The following MTARC1 variants were observed in gnomAD, a reference collection of about 807,000 sequenced individuals.
MTARC1 encodes mitochondrial amidoxime-reducing component 1.
MTARC1 carries 24 observed loss-of-function variants against 33.6 expected under a neutral mutation model. The ratio of observed to expected loss-of-function variants is 0.72; its 90% CI spans 0.52 to 1.01. The LOEUF is 1.01. Among genes scored for constraint, MTARC1 ranks in the 50% least tolerant of loss-of-function variants. MTARC1 has a pLI of 0.00. For missense variants in MTARC1, 417 were observed against 445.7 expected, an observed-to-expected ratio of 0.94 and a Z score of 0.58; for synonymous variants, 187 against 189.5, an observed-to-expected ratio of 0.99 and a Z score of 0.11.
At chr1:220,809,182 C>T (rs780275040) in intron 6 of MTARC1, among the ~76,000 whole-genome samples, 3 of 152,198 alleles carry the variant, frequency 2.0e-5, no homozygotes, top group Non-Finnish European at 4.4e-5. Context: ...TTAGGCTCTT[C>T]AAGTCACAGT....
rs1672675421 is a variant in MTARC1 at position 220,797,981 on chromosome 1, T to C, written c.720T>C (p.Asn240=). 1 of 1,614,226 alleles carries C rather than the reference T, an allele frequency of 6.2e-7. No individual in the cohort carries two copies. The change falls in exon 4 of 7, where the codon AAT becomes AAC. Residue 240 remains asparagine, a synonymous_variant. Coordinates refer to ENST00000366910, the MANE Select transcript of MTARC1 (RefSeq NM_022746.4). ...TTAAAGCAACCAACTTCAGGCCCAA[T>C]ATTGTAATTTCAGGATGCGATGTCT... ...KKVKATNFRP[N]IVISGCDVYA...
intron 6 of MTARC1, among the ~76,000 whole-genome samples, chr1:220,810,922 A>G (rs1401536054): frequency 1.3e-5 from 2 of 152,196 alleles, no homozygotes; most frequent in African/African-American, 2.4e-5. Flanking sequence ...CTGAGACTTA[A>G]CTGTAAAATG....
intron 3 of MTARC1, 127 bp downstream of exon 3, chr1:220,796,932 G>A: frequency 5.3e-6 from 5 of 949,028 alleles, no homozygotes; most frequent in Non-Finnish European, 7.7e-6. Flanking sequence ...CAGATCACAA[G>A]CAGTAGGCAG....
Position 220,813,526 on chromosome 1 carries a change from A to G in MTARC1, c.*108A>G. 6.9e-7 allele frequency: 1 copy of G among 1,457,262 alleles called. No individual in the cohort carries two copies. The highest frequency in any genetic ancestry group is 1.3e-5 in the South Asian group (1 of 75,172). 90.3% of individuals were successfully genotyped at this position (1,457,262 alleles called of 1,614,324 possible). A position where few individuals can be genotyped will look rare whatever the true frequency, so the allele number is the denominator to read the frequency against. ...ACTGAGACCTCTACATTTTCTTTAAATTTGTGATTTTCACATTTTTCGTCT... is the reference window on the plus strand; with the variant it reads ...ACTGAGACCTCTACATTTTCTTTAAGTTTGTGATTTTCACATTTTTCGTCT... On this transcript the variant is annotated 3_prime_UTR_variant, in exon 7 of 7. Transcript: ENST00000366910.
chr1:220,812,777 C>G (rs567490521), intron 6 of MTARC1, among the ~76,000 whole-genome samples: 1 of 151,244 alleles, frequency 6.6e-6, no homozygotes, highest in African/African-American at 2.4e-5. Context: ...CAGGCTGGAG[C>G]GCAGTGGCAC....
intron 1 of MTARC1, among the ~76,000 whole-genome samples, chr1:220,790,656 A>G (rs905604688): frequency 1.1e-4 from 17 of 152,318 alleles, no homozygotes; most frequent in Admixed American, 9.2e-4. Context: ...AGTACCGGCC[A>G]TATTTTTTTC....
chr1:220,811,356 C>T (rs772112561), intron 6 of MTARC1, among the ~76,000 whole-genome samples: 2 of 152,182 alleles, frequency 1.3e-5, no homozygotes, highest in Non-Finnish European at 2.9e-5. Flanking sequence ...ATTGTTCAAC[C>T]AACATTATTT....
intron 4 of MTARC1, chr1:220,798,426 G>C (rs1366667407): frequency 5.1e-6 from 5 of 985,330 alleles, no homozygotes; most frequent in South Asian, 4.7e-5. Context: ...CTGCAAGGCT[G>C]CTGGGTGAGG....
At position 220,796,640 on chromosome 1, in the gene MTARC1, C is replaced by G; in HGVS notation, c.450-3C>G. On this transcript the variant is annotated splice_polypyrimidine_tract_variant and splice_region_variant and intron_variant, in intron 2 of 6. Transcript: ENST00000366910. ...CTGCCCTTTGCTCCTGCTACCCCTG[C>G]AGAGTGCACGGCCTGGAGATAGAGG... 2 of 1,583,528 alleles carry G rather than the reference C, an allele frequency of 1.3e-6. No homozygotes were observed. The highest frequency in any genetic ancestry group is 1.7e-6 in the Non-Finnish European group (2 of 1,168,016).
Position 220,805,082 on chromosome 1 carries a change from G to A in MTARC1, c.784G>A (p.Val262Met), listed in dbSNP as rs768455140. 13 of 1,614,036 alleles carry A rather than the reference G, an allele frequency of 8.1e-6. No individual in the cohort carries two copies. The highest frequency in any genetic ancestry group is 1.6e-4 in the Middle Eastern group (1 of 6,084). Reference protein sequence around the residue: ...DSWDELLIGDVELKRVMACSR... With the variant: ...DSWDELLIGDMELKRVMACSR... ...TTGGGATGAGCTTCTTATTGGTGAC[G>A]TGGAACTGAAAAGGGTGATGGCTTG... Residue 262 changes from valine to methionine, a missense_variant, in exon 5 of 7, where the codon GTG becomes ATG. Val to Met is a conservative substitution (Grantham distance 21). Transcript: ENST00000366910.
intron 6 of MTARC1, among the ~76,000 whole-genome samples, chr1:220,809,525 A>C (rs2102608561): frequency 8.3e-6 from 1 of 121,052 alleles, no homozygotes; most frequent in East Asian, 2.1e-4. Context: ...TTATTTATTT[A>C]TTGAGACAGA....
At position 220,789,214 on chromosome 1, in the gene MTARC1, C is replaced by T. The variant is rs72470581; in HGVS notation, c.275+1995C>T. 9.3e-3 allele frequency among the ~76,000 whole-genome samples: 1,408 copies of T among 152,186 alleles called. 11 individuals are homozygous for T. The highest frequency in any genetic ancestry group is 0.06 in the East Asian group (311 of 5,168). On this transcript the variant is annotated intron_variant, in intron 1 of 6. Transcript: ENST00000366910. ...ACAGCTTGAGCTGAAAACTGGAAAA[C>T]GATTCAGAACTTGCTGGGCAAGTAA... is the stretch of plus-strand genomic sequence containing the variant.
chr1:220,810,800 G>A (rs999606395), intron 6 of MTARC1, among the ~76,000 whole-genome samples: 4 of 152,146 alleles, frequency 2.6e-5, no homozygotes, highest in African/African-American at 9.7e-5. Context: ...CGACGACCAG[G>A]GTTACATCCT....
chr1:220,806,410 G>C (rs922459756), intron 6 of MTARC1, among the ~76,000 whole-genome samples: 2 of 152,182 alleles, frequency 1.3e-5, no homozygotes, highest in African/African-American at 4.8e-5. Context: ...TGGGAACCTT[G>C]AGGAAGGAAT....
chr1:220,787,358 A>T, intron 1 of MTARC1, 139 bp downstream of exon 1: 1 of 1,334,798 alleles, frequency 7.5e-7, no homozygotes, highest in Non-Finnish European at 9.6e-7. Context: ...GTTGGGTGAG[A>T]CAAGGCCAAA....
chr1:220,807,652 G>A (rs775759587), intron 6 of MTARC1, among the ~76,000 whole-genome samples: 27 of 152,160 alleles, frequency 1.8e-4, no homozygotes, highest in Non-Finnish European at 2.6e-4. Flanking sequence ...TTCAAGCAGC[G>A]GGTAAATGGG....
At chr1:220,791,849 C>T in intron 2 of MTARC1, among the ~76,000 whole-genome samples, 185 bp downstream of exon 2, 1 of 152,130 alleles carries the variant, frequency 6.6e-6, no homozygotes, top group Non-Finnish European at 1.5e-5. Context: ...AAGGAAGCAG[C>T]TTCAGAAACT....
At chr1:220,798,828 A>C in intron 4 of MTARC1, 5 of 983,280 alleles carry the variant, frequency 5.1e-6, no homozygotes, top group Non-Finnish European at 6.0e-6. Context: ...TTCCTCCATA[A>C]CAGGGAAAAA....
At chr1:220,794,460 G>A (rs1672539529) in intron 2 of MTARC1, 1 of 151,696 alleles carries the variant, frequency 6.6e-6, no homozygotes, top group African/African-American at 2.4e-5. Flanking sequence ...TTCAGTTCTA[G>A]AACTGGTGGA....
Sources: gnomAD v4.1 joint callset for allele counts (sites outside exome capture counted in the v4.1 genomes callset) on GRCh38, gnomAD v4.1.1 for gene constraint, MANE v1.5 for transcripts, NCBI Gene and HGNC (gene_info 2026-07-23, HGNC 2026-07-21) for gene names.